Variants in CLASP2 observed in about 807,000 individuals in gnomAD.
The protein encoded by CLASP2 is CLIP-associating protein 2.
Under a neutral mutation model 194.4 loss-of-function variants are expected in CLASP2, and 47 were observed. That is an observed-to-expected ratio of 0.24 (90% CI 0.19 to 0.31). CLASP2 has a LOEUF of 0.31. CLASP2 is among the 10% of genes least tolerant of loss of function. The probability of loss-of-function intolerance (pLI) is 1.00; values close to 1 mark genes in which losing one functional copy is unlikely to be tolerated. For synonymous variants in CLASP2, 619 were observed against 633.5 expected, an observed-to-expected ratio of 0.98 and a Z score of 0.34; for missense variants, 1,445 against 1,823.6, an observed-to-expected ratio of 0.79 and a Z score of 3.78.
chr3:33,613,397 G>C (rs537126015), intron 12 of CLASP2, among the ~76,000 whole-genome samples: 1 of 152,108 alleles, frequency 6.6e-6, no homozygotes, highest in Non-Finnish European at 1.5e-5. Context: ...ACTGGGAAGG[G>C]GCAACACCTT....
Position 33,700,324 on chromosome 3 carries a change from G to A in CLASP2, c.196-3391C>T, listed in dbSNP as rs138028116. Among the ~76,000 whole-genome samples, 64 of 152,180 alleles carry A rather than the reference G, an allele frequency of 4.2e-4. No homozygotes were observed. The East Asian group carries it at 0.01, about 24-fold the overall frequency. ...TACCTGTAATCCCAGCTACTCAGGA[G>A]GCTGAGGCACGAGAATCATCTGAAC... On this transcript the variant is annotated intron_variant, in intron 1 of 38. Transcript: ENST00000682230.
chr3:33,534,197 A>G (rs1449233783), intron 34 of CLASP2, among the ~76,000 whole-genome samples: 1 of 152,188 alleles, frequency 6.6e-6, no homozygotes, highest in African/African-American at 2.4e-5. Context: ...ATATATTACT[A>G]TATAGTACTA....
In CLASP2 at chr3:33,663,429, G is replaced by A; in HGVS notation, c.715+16C>T. The A allele has an allele frequency of 6.2e-7, 1 of 1,602,764 alleles. No individual in the cohort carries two copies. Among genetic ancestry groups the A allele is most frequent in the Non-Finnish European group, 8.5e-7 (1 of 1,172,894 alleles). On this transcript the variant is annotated intron_variant, in intron 7 of 38. Coordinates refer to ENST00000682230, the MANE Select transcript of CLASP2 (RefSeq NM_001365631.1). ...TAAATAGTCTTAGAAATGTTTGAGA[G>A]CTTAATTACTCTTACCTTTGCAGAC...
At chr3:33,581,738 C>T in intron 23 of CLASP2, 83 bp downstream of exon 23, 2 of 902,370 alleles carry the variant, frequency 2.2e-6, no homozygotes, top group South Asian at 3.2e-5. Flanking sequence ...ACAAAGAAAG[C>T]TAAATCCCAG....
chr3:33,518,659 A>C (rs985096799), intron 34 of CLASP2, among the ~76,000 whole-genome samples: 1 of 152,258 alleles, frequency 6.6e-6, no homozygotes, highest in African/African-American at 2.4e-5. Flanking sequence ...GATCATTCTA[A>C]GAGTGTCTTT....
At chr3:33,662,461 G>A (rs1194732808) in intron 7 of CLASP2, among the ~76,000 whole-genome samples, 3 of 152,128 alleles carry the variant, frequency 2.0e-5, no homozygotes, top group Admixed American at 6.5e-5. Context: ...GAATCTTCTG[G>A]CATTCAAGGT....
intron 6 of CLASP2, among the ~76,000 whole-genome samples, chr3:33,683,758 A>G (rs1010130232): frequency 2.6e-5 from 4 of 151,894 alleles, no homozygotes; most frequent in Admixed American, 1.3e-4. Flanking sequence ...CCTGGTCAAC[A>G]TGATGAAACC....
chr3:33,511,018 G>A (rs916098687), intron 36 of CLASP2, among the ~76,000 whole-genome samples: 18 of 147,808 alleles, frequency 1.2e-4, no homozygotes, highest in African/African-American at 4.5e-4. Flanking sequence ...CTTTTTTGCT[G>A]TTGGCTAAAG....
chr3:33,717,865 G>A lies in CLASP2; in HGVS notation c.138C>T (p.Gly46=), dbSNP rs1398685823. Residue 46 remains glycine (G), a synonymous_variant, in exon 1 of 39, where the codon GGC becomes GGT. Coordinates refer to ENST00000682230, the MANE Select transcript of CLASP2 (RefSeq NM_001365631.1). ...GCGCGTCGACTGTCTTGCCTAGGCG[G>A]CCCAGGTCCTCCTCCAGGTCCGAGA... ...GAISDLEEDL[G]RLGKTVDALT... is the part of the protein sequence containing the mutation. The A allele has an allele frequency of 6.4e-7, 1 of 1,564,482 alleles. No individual in the cohort carries two copies. Among genetic ancestry groups the A allele is most frequent in the Admixed American group, 1.9e-5 (1 of 52,436 alleles).
At chr3:33,518,055 T>C (rs55809516) in intron 34 of CLASP2, among the ~76,000 whole-genome samples, 40,421 of 152,198 alleles carry the variant, frequency 0.27, 6,004 homozygotes, top group Admixed American at 0.39. Context: ...TTCCATGGGG[T>C]AGAATTCTTC....
chr3:33,714,744 GTATT>G (rs1406463341), intron 1 of CLASP2, among the ~76,000 whole-genome samples: 1 of 151,900 alleles, frequency 6.6e-6, no homozygotes, highest in Non-Finnish European at 1.5e-5. Context: ...ACCCCCCACT[GTATT>G]TATTTTTTTT....
intron 11 of CLASP2, 59 bp downstream of exon 11, chr3:33,622,076 A>T: frequency 7.9e-7 from 1 of 1,260,062 alleles, no homozygotes; most frequent in Admixed American, 2.8e-5. Flanking sequence ...ATGAGCAATG[A>T]ATCAGTGAAT....
chr3:33,650,783 G>A (rs1256043673), intron 7 of CLASP2, among the ~76,000 whole-genome samples: 21 of 151,782 alleles, frequency 1.4e-4, no homozygotes, highest in Admixed American at 9.8e-4. Flanking sequence ...GAAGGGAGAA[G>A]GGGACAAACA....
chr3:33,591,854 T>G (rs1328987135), intron 21 of CLASP2, among the ~76,000 whole-genome samples: 35 of 152,188 alleles, frequency 2.3e-4, no homozygotes, highest in Admixed American at 2.3e-3. Flanking sequence ...AAAATGGTAA[T>G]CAAAAATAGA....
At chr3:33,707,948 T>C (rs1420194692) in intron 1 of CLASP2, among the ~76,000 whole-genome samples, 1 of 152,174 alleles carries the variant, frequency 6.6e-6, no homozygotes, top group Admixed American at 6.5e-5. Context: ...AACCTCTGAA[T>C]ATGGTATCAC....
intron 32 of CLASP2, among the ~76,000 whole-genome samples, chr3:33,539,641 T>A (rs2057997759): frequency 6.6e-6 from 1 of 152,008 alleles, no homozygotes; most frequent in South Asian, 2.1e-4. Flanking sequence ...AGCCCATAAA[T>A]AAAATTTTAT....
intron 38 of CLASP2, among the ~76,000 whole-genome samples, chr3:33,499,596 AC>A (rs1435268191): frequency 6.6e-6 from 1 of 151,112 alleles, no homozygotes; most frequent in Non-Finnish European, 1.5e-5. Flanking sequence ...TGATCCACCC[AC>A]CTCGGCATCC....
At chr3:33,525,179 A>C (rs563869718) in intron 34 of CLASP2, among the ~76,000 whole-genome samples, 1 of 152,236 alleles carries the variant, frequency 6.6e-6, no homozygotes, top group Non-Finnish European at 1.5e-5. Flanking sequence ...TGGATCAAAG[A>C]AATTAGAGAA....
intron 13 of CLASP2, among the ~76,000 whole-genome samples, chr3:33,611,319 A>G (rs2075134112): frequency 6.6e-6 from 1 of 152,156 alleles, no homozygotes; most frequent in Non-Finnish European, 1.5e-5. Context: ...TGATTATGTA[A>G]TCTTCCTCAT....
Sources: gnomAD v4.1 joint callset for allele counts (sites outside exome capture counted in the v4.1 genomes callset) on GRCh38, gnomAD v4.1.1 for gene constraint, MANE v1.5 for transcripts, NCBI Gene and HGNC (gene_info 2026-07-23, HGNC 2026-07-21) for gene names.